The following TSFM variants were observed in gnomAD, a reference collection of about 807,000 sequenced individuals.
The protein encoded by TSFM is elongation factor Ts, mitochondrial.
Under a neutral mutation model 33.4 loss-of-function variants are expected in TSFM, and 29 were observed. The ratio of observed to expected loss-of-function variants is 0.87; its 90% CI spans 0.65 to 1.18. TSFM has a LOEUF of 1.18. TSFM is among the 50% of genes most tolerant of loss of function. The probability of loss-of-function intolerance (pLI) is 0.00; values close to 1 mark genes in which losing one functional copy is unlikely to be tolerated. For missense variants in TSFM, 394 were observed against 395.6 expected, an observed-to-expected ratio of 1.00 and a Z score of 0.04; for synonymous variants, 178 against 163.5, an observed-to-expected ratio of 1.09 and a Z score of -0.68.
At chr12:57,790,664 A>AT (rs540242909) in intron 4 of TSFM, among the ~76,000 whole-genome samples, 5,202 of 149,296 alleles carry the variant, frequency 0.035, 140 homozygotes, top group Non-Finnish European at 0.046. Context: ...AGTTATTTGG[A>AT]TTTTTTTTTT....
downstream of TSFM, among the ~76,000 whole-genome samples, chr12:57,798,426 T>C (rs1955779514): frequency 6.6e-6 from 1 of 152,202 alleles, no homozygotes; most frequent in Admixed American, 6.5e-5. Context: ...ATAAAATTCT[T>C]CTACACATTT....
chr12:57,802,057 C>T (rs1490533042), downstream of TSFM: 2 of 1,340,886 alleles, frequency 1.5e-6, no homozygotes, highest in East Asian at 2.4e-5. Flanking sequence ...GAAATGAGGT[C>T]CTGGTTTCAC....
rs913441469 is a variant in TSFM at position 57,783,945 on chromosome 12, G to T, written c.231+662G>T. 14 of 702,812 alleles carry T rather than the reference G, an allele frequency of 2.0e-5. No homozygotes were observed. The Admixed American group carries it at 2.8e-4, about 14-fold the overall frequency. The allele number at this position is 702,812 out of a possible 1,614,324, so 43.5% of individuals were successfully genotyped here. A position where few individuals can be genotyped will look rare whatever the true frequency, so the allele number is the denominator to read the frequency against. On this transcript the variant is annotated intron_variant, in intron 2 of 5. Coordinates refer to ENST00000652027, the MANE Select transcript of TSFM (RefSeq NM_005726.6). ...TTAGACATCTTAATCTTTCAGAGTT[G>T]TGTAGTTTTTGCCTGTACGGTCATG...
downstream of TSFM, chr12:57,801,236 C>T (rs747371816): frequency 6.2e-7 from 1 of 1,601,478 alleles, no homozygotes. Flanking sequence ...AGAGAAAACA[C>T]AGGATGAGGT....
intron 3 of TSFM, among the ~76,000 whole-genome samples, chr12:57,786,653 T>G (rs1211005713): frequency 1.3e-5 from 2 of 152,198 alleles, no homozygotes; most frequent in Non-Finnish European, 2.9e-5. Context: ...CCATAATTGG[T>G]GAAGAGTCAG....
At chr12:57,801,392 A>G (rs1218327588), downstream of TSFM, 2 of 503,372 alleles carry the variant, frequency 4.0e-6, no homozygotes, top group Non-Finnish European at 7.1e-6. Context: ...GTGCTTAAAC[A>G]TAACGCACAT....
At chr12:57,793,802 T>TA (rs1955696147) in intron 5 of TSFM, among the ~76,000 whole-genome samples, 1 of 152,200 alleles carries the variant, frequency 6.6e-6, no homozygotes, top group Non-Finnish European at 1.5e-5. Context: ...GGGAAAATAG[T>TA]ACATTAAAGA....
Position 57,784,084 on chromosome 12 carries a change from G to A in TSFM, c.231+801G>A, listed in dbSNP as rs192835123. 174 of 702,744 alleles carry A rather than the reference G, an allele frequency of 2.5e-4. No individual in the cohort carries two copies. The African/African-American group carries it at 2.8e-3, about 11-fold the overall frequency. The allele number at this position is 702,744 out of a possible 1,614,324, so 43.5% of individuals were successfully genotyped here. On this transcript the variant is annotated intron_variant, in intron 2 of 5. Coordinates refer to ENST00000652027, the MANE Select transcript of TSFM (RefSeq NM_005726.6). ...GATGGTATATTGTACTACAACCTGG[G>A]CTATATGGAATTGCCAGCTGCTCCT...
At chr12:57,799,850 A>G (rs1282884884), downstream of TSFM, 1 of 1,614,208 alleles carries the variant, frequency 6.2e-7, no homozygotes, top group Non-Finnish European at 8.5e-7. Flanking sequence ...GTTTTTCAAC[A>G]GAACTGCTAT....
chr12:57,799,784 C>G, downstream of TSFM: 1 of 1,613,686 alleles, frequency 6.2e-7, no homozygotes. Flanking sequence ...ACAGTTCCTT[C>G]AGCCACTCAC....
Position 57,792,598 on chromosome 12 carries a change from T to C in TSFM, c.484-388T>C, listed in dbSNP as rs1262816434. Reference sequence around the variant, plus strand: ...TCTTAAAGAATGTTTTCTTTCTTTCTTTTTTTTTTTTGAGATGGAGTCTCA... The same window carrying C: ...TCTTAAAGAATGTTTTCTTTCTTTCCTTTTTTTTTTTGAGATGGAGTCTCA... On this transcript the variant is annotated intron_variant, in intron 4 of 5. Coordinates refer to ENST00000652027, the MANE Select transcript of TSFM (RefSeq NM_005726.6). 2.1e-5 allele frequency among the ~76,000 whole-genome samples: 3 copies of C among 143,696 alleles called. No individual in the cohort carries two copies. The East Asian group carries it at 5.9e-4, about 28-fold the overall frequency. 94.3% of individuals were successfully genotyped at this position (143,696 alleles called of 152,430 possible).
In TSFM at chr12:57,796,509, C is replaced by T. The variant is rs777631241; in HGVS notation, c.904C>T (p.Pro302Ser). Reference protein sequence around the residue: ...PSITLGQYVQPQGVSVVDFVR... With the variant: ...PSITLGQYVQSQGVSVVDFVR... ...CATTACCTTGGGGCAGTATGTGCAG[C>T]CTCAGGGGGTGTCGGTAGTAGACTT... Residue 302 changes from proline (P) to serine (S), a missense_variant, in exon 6 of 6, where the codon CCT becomes TCT. Physicochemically the swap from Pro to Ser is moderately conservative, Grantham distance 74. Transcript: ENST00000652027. 1.6e-5 allele frequency: 25 copies of T among 1,530,848 alleles called. No individual in the cohort carries two copies. The highest frequency in any genetic ancestry group is 2.2e-5 in the Non-Finnish European group (25 of 1,138,292). 94.8% of individuals were successfully genotyped at this position (1,530,848 alleles called of 1,614,324 possible).
intron 4 of TSFM, among the ~76,000 whole-genome samples, 185 bp from the exon 5 acceptor site, chr12:57,792,801 A>G (rs1457736331): frequency 6.6e-6 from 1 of 152,192 alleles, no homozygotes; most frequent in African/African-American, 2.4e-5. Flanking sequence ...CATGTTTGCC[A>G]GGCTGGTCTC....
intron 2 of TSFM, 43 bp downstream of exon 2, chr12:57,783,326 C>A (rs754064560): frequency 1.2e-6 from 2 of 1,611,370 alleles, no homozygotes; most frequent in African/African-American, 1.3e-5. Flanking sequence ...TAGAGCTCGA[C>A]CTCAGACTCT....
At position 57,782,792 on chromosome 12, in the gene TSFM, G is replaced by A; in HGVS notation, c.-10G>A. Reference sequence around the variant, plus strand: ...GCGCCCGCCGGAGGGTGTTTATCGCGGCTAGAGAGATGTCGCTGCTGCGGT... The same window carrying A: ...GCGCCCGCCGGAGGGTGTTTATCGCAGCTAGAGAGATGTCGCTGCTGCGGT... On this transcript the variant is annotated 5_prime_UTR_variant, in exon 1 of 6. Transcript: ENST00000652027. 6.3e-7 allele frequency: 1 copy of A among 1,586,270 alleles called. No homozygotes were observed. The highest frequency in any genetic ancestry group is 1.3e-5 in the African/African-American group (1 of 74,426).
intron 4 of TSFM, 71 bp from the exon 5 acceptor site, chr12:57,792,915 A>G (rs1955682375): frequency 6.1e-6 from 9 of 1,469,086 alleles, no homozygotes; most frequent in African/African-American, 1.4e-5. Flanking sequence ...GAGATAGACT[A>G]TTTTTGCCTA....
At chr12:57,783,968 A>G (rs1351320491) in intron 2 of TSFM, 4 of 702,786 alleles carry the variant, frequency 5.7e-6, no homozygotes, top group South Asian at 1.5e-5. Context: ...CTGTACGGTC[A>G]TGCGTCTCTT....
At chr12:57,783,633 G>A (rs1955545634) in intron 2 of TSFM, 1 of 567,594 alleles carries the variant, frequency 1.8e-6, no homozygotes, top group Non-Finnish European at 3.4e-6. Flanking sequence ...TTGCTCTGTG[G>A]CCCAGGCCGG....
intron 2 of TSFM, chr12:57,784,089 A>C: frequency 1.4e-6 from 1 of 702,764 alleles, no homozygotes; most frequent in South Asian, 1.5e-5. Flanking sequence ...CCTGGGCTAT[A>C]TGGAATTGCC....
Sources: gnomAD v4.1 joint callset for allele counts (sites outside exome capture counted in the v4.1 genomes callset) on GRCh38, gnomAD v4.1.1 for gene constraint, MANE v1.5 for transcripts, NCBI Gene and HGNC (gene_info 2026-07-23, HGNC 2026-07-21) for gene names.